Variants in FEZ1 observed in about 807,000 individuals in gnomAD.
FEZ1 encodes fasciculation and elongation protein zeta 1.
Under a neutral mutation model 49.3 loss-of-function variants are expected in FEZ1, and 20 were observed. The observed-to-expected ratio is 0.41, with a 90% CI of 0.29 to 0.59. The LOEUF (loss-of-function observed/expected upper bound fraction) is 0.59, where lower values mean the gene tolerates loss of function less well. Ranked by LOEUF, FEZ1 falls within the 20% of genes least tolerant of loss-of-function variation. The pLI is 0.36. For missense variants in FEZ1, 413 were observed against 476.0 expected, an observed-to-expected ratio of 0.87 and a Z score of 1.23; for synonymous variants, 170 against 180.9, an observed-to-expected ratio of 0.94 and a Z score of 0.48.
chr11:125,466,892 CT>C (rs1275014706), intron 3 of FEZ1, among the ~76,000 whole-genome samples: 4 of 151,926 alleles, frequency 2.6e-5, no homozygotes, highest in Non-Finnish European at 5.9e-5. Flanking sequence ...ATATTTAGCC[CT>C]TTGCATAATA....
chr11:125,460,769 A>C (rs760144252), intron 4 of FEZ1, 103 bp from the exon 5 acceptor site: 53 of 971,502 alleles, frequency 5.5e-5, no homozygotes, highest in African/African-American at 4.9e-5. Flanking sequence ...GCTATCTGAA[A>C]ATTTCTAAAG....
At chr11:125,457,124 A>T (rs1957017771) in intron 5 of FEZ1, among the ~76,000 whole-genome samples, 1 of 151,440 alleles carries the variant, frequency 6.6e-6, no homozygotes, top group Non-Finnish European at 1.5e-5. Context: ...CGGAGGTTGC[A>T]GTGAGCAGAG....
At chr11:125,476,637 C>T (rs1286218511) in intron 3 of FEZ1, among the ~76,000 whole-genome samples, 1 of 151,644 alleles carries the variant, frequency 6.6e-6, no homozygotes, top group Non-Finnish European at 1.5e-5. Context: ...CCAGAAAGAA[C>T]CAAAAAAGTC....
chr11:125,449,441 A>AAAAAAAAAAAAG lies in FEZ1; in HGVS notation c.1097-875_1097-874insCTTTTTTTTTTT, dbSNP rs796507357. ...ATAAAAAAAAAAAAAAAAAAAAAAA[A>AAAAAAAAAAAAG]AAGAAGAAGAGGAAGAAAAGAAAAA... On this transcript the variant is annotated intron_variant, in intron 8 of 9. Coordinates refer to ENST00000278919, the MANE Select transcript of FEZ1 (RefSeq NM_005103.5). Among the ~76,000 whole-genome samples the AAAAAAAAAAAAG allele has an allele frequency of 6.9e-4, 89 of 128,088 alleles. 1 individual carries two copies. Among genetic ancestry groups the AAAAAAAAAAAAG allele is most frequent in the East Asian group, 2.9e-3 (10 of 3,508 alleles). 84.0% of individuals were successfully genotyped at this position (128,088 alleles called of 152,430 possible).
chr11:125,481,459 G>T, intron 3 of FEZ1, 75 bp downstream of exon 3: 1 of 878,600 alleles, frequency 1.1e-6, no homozygotes, highest in Non-Finnish European at 2.0e-6. Context: ...GAGGAAGACT[G>T]TTGAGTTACT....
At position 125,443,890 on chromosome 11, in the gene FEZ1, C is replaced by T; in HGVS notation, c.*2205G>A. On this transcript the variant is annotated 3_prime_UTR_variant, in exon 10 of 10. Coordinates refer to ENST00000278919, the MANE Select transcript of FEZ1 (RefSeq NM_005103.5). ...ATTAGCTTGTCTCTGCCGCTTCAGACACCTGCTGGCAGGATAAATTGGGGG... is the reference window on the plus strand; with the variant it reads ...ATTAGCTTGTCTCTGCCGCTTCAGATACCTGCTGGCAGGATAAATTGGGGG... 6.6e-6 allele frequency among the ~76,000 whole-genome samples: 1 copy of T among 152,194 alleles called. No individual in the cohort carries two copies. Among genetic ancestry groups the T allele is most frequent in the Non-Finnish European group, 1.5e-5 (1 of 68,046 alleles).
intron 7 of FEZ1, 54 bp downstream of exon 7, chr11:125,454,076 G>T: frequency 1.5e-6 from 2 of 1,313,970 alleles, no homozygotes; most frequent in Non-Finnish European, 2.2e-6. Flanking sequence ...TTGCTGGGGA[G>T]GCCAAGCTGC....
At chr11:125,471,210 T>A (rs772223373) in intron 3 of FEZ1, among the ~76,000 whole-genome samples, 1 of 151,844 alleles carries the variant, frequency 6.6e-6, no homozygotes, top group Non-Finnish European at 1.5e-5. Flanking sequence ...CAAAACCAGA[T>A]GGGACAATCA....
rs747202962 is a variant in FEZ1, at chr11:125,456,033, C to T, written c.741G>A (p.Ser247=). ...DQVEGAIRDF[S]EELVQQLARR... Reference sequence around the variant, plus strand: ...GGGCCAGCTGCTGCACCAGCTCCTCCGAGAAGTCACGGATGGCACCCTCCA... The same window carrying T: ...GGGCCAGCTGCTGCACCAGCTCCTCTGAGAAGTCACGGATGGCACCCTCCA... Residue 247 remains serine, a synonymous_variant, in exon 6 of 10, where the codon TCG becomes TCA. Transcript: ENST00000278919. The T allele has an allele frequency of 2.5e-5, 41 of 1,612,616 alleles. No homozygotes were observed. The highest frequency in any genetic ancestry group is 5.5e-5 in the South Asian group (5 of 90,996).
In FEZ1 at chr11:125,445,225, G is replaced by A. The variant is rs979660050; in HGVS notation, c.*870C>T. Among the ~76,000 whole-genome samples, 11 of 152,218 alleles carry A rather than the reference G, an allele frequency of 7.2e-5. No homozygotes were observed. In the East Asian group the frequency reaches 9.6e-4, roughly 13 times the overall value. ...TCAAAGGACACTGTTGCCAGGGGTC[G>A]TTGGGGACAAACAGGGAGTGGTGGT... On this transcript the variant is annotated 3_prime_UTR_variant, in exon 10 of 10. Transcript: ENST00000278919. The surrounding 1 kb of genome is among the most constrained non-coding windows in gnomAD (Gnocchi z 4.4).
intron 7 of FEZ1, 132 bp from the exon 8 acceptor site, chr11:125,452,541 A>T (rs766509029): frequency 9.6e-6 from 6 of 623,954 alleles, no homozygotes; most frequent in Non-Finnish European, 1.8e-5. Context: ...CTGGTACGTC[A>T]CTGTTTCAGA....
rs1363558284 is a variant in FEZ1, at chr11:125,495,494, G to A, written c.-46+627C>T. On this transcript the variant is annotated intron_variant, in intron 1 of 9. Transcript: ENST00000278919. The surrounding 1 kb of genome is among the most constrained non-coding windows in gnomAD (Gnocchi z 4.2). ...GCCGCCCCGGTCCCTTCTCCCGCCC[G>A]TCTGTAGTAAAACAATCGCTCTCCC... 4 of 471,090 alleles carry A rather than the reference G, an allele frequency of 8.5e-6. No homozygotes were observed. Among genetic ancestry groups the A allele is most frequent in the East Asian group, 1.4e-4 (2 of 14,378 alleles). 29.2% of individuals were successfully genotyped at this position (471,090 alleles called of 1,614,324 possible).
chr11:125,493,110 T>C (rs1422914623), intron 1 of FEZ1, among the ~76,000 whole-genome samples: 2 of 151,466 alleles, frequency 1.3e-5, no homozygotes, highest in Non-Finnish European at 1.5e-5. Context: ...GTGGATCACC[T>C]GAGGTCAGGA....
chr11:125,461,952 G>A (rs1957079396), intron 4 of FEZ1, among the ~76,000 whole-genome samples: 2 of 152,210 alleles, frequency 1.3e-5, no homozygotes, highest in Non-Finnish European at 2.9e-5. Context: ...ACAAGTCCCT[G>A]TCAGGGTCTT....
intron 6 of FEZ1, among the ~76,000 whole-genome samples, chr11:125,455,145 C>A (rs1956997528): frequency 1.3e-5 from 2 of 151,922 alleles, no homozygotes; most frequent in South Asian, 4.1e-4. Context: ...AATCCCAACA[C>A]TTTGGGAGGC....
chr11:125,468,856 A>T (rs889660094), intron 3 of FEZ1, among the ~76,000 whole-genome samples: 2 of 152,166 alleles, frequency 1.3e-5, no homozygotes. Flanking sequence ...ATCAAGAATA[A>T]TGAGACCCAA....
intron 8 of FEZ1, chr11:125,451,669 T>C (rs901686341): frequency 2.6e-5 from 4 of 152,290 alleles, no homozygotes; most frequent in African/African-American, 9.6e-5. Context: ...CTGACACTGA[T>C]GGCTAACACC....
chr11:125,445,984 G>A lies in FEZ1; in HGVS notation c.*111C>T. ...CTTGCTCGTGTTTAATCCAGGTTAA[G>A]CTATACACGTTTAAATACATGTCGG... On this transcript the variant is annotated 3_prime_UTR_variant, in exon 10 of 10. Coordinates refer to ENST00000278919, the MANE Select transcript of FEZ1 (RefSeq NM_005103.5). The surrounding 1 kb of genome is among the most constrained non-coding windows in gnomAD (Gnocchi z 4.4). The A allele has an allele frequency of 9.0e-7, 1 of 1,114,438 alleles. No homozygotes were observed. The highest frequency in any genetic ancestry group is 1.4e-6 in the Non-Finnish European group (1 of 727,120). 69.0% of individuals were successfully genotyped at this position (1,114,438 alleles called of 1,614,324 possible). A position where few individuals can be genotyped will look rare whatever the true frequency, so the allele number is the denominator to read the frequency against.
At chr11:125,471,931 T>G (rs1957186810) in intron 3 of FEZ1, among the ~76,000 whole-genome samples, 1 of 152,134 alleles carries the variant, frequency 6.6e-6, no homozygotes, top group Non-Finnish European at 1.5e-5. Flanking sequence ...CTGACAAAAT[T>G]AAATTAGAAA....
Sources: allele counts gnomAD v4.1 joint callset (sites outside exome capture counted in the v4.1 genomes callset), GRCh38; gene constraint gnomAD v4.1.1; non-coding constraint Gnocchi (gnomAD v3.1); transcripts MANE v1.5; gene names NCBI Gene and HGNC (gene_info 2026-07-23, HGNC 2026-07-21).